SMIM8: variants seen among roughly 807,000 people sequenced by gnomAD.
SMIM8 encodes the protein UPF0708 protein C6orf162.
Under a neutral mutation model 8.1 loss-of-function variants are expected in SMIM8, and 8 were observed. The observed-to-expected ratio is 0.99, with a 90% CI of 0.58 to 1.78. SMIM8 has a LOEUF of 1.78. Ranked by LOEUF, SMIM8 falls within the 40% of genes most tolerant of loss-of-function variation. The pLI is 0.00. For synonymous variants in SMIM8, 45 were observed against 39.7 expected (o/e 1.13, Z -0.50); for missense variants, 126 against 119.8 (o/e 1.05, Z -0.24).
chr6:87,323,337 A>G (rs1776719793), intron 1 of SMIM8, among the ~76,000 whole-genome samples: 1 of 152,174 alleles, frequency 6.6e-6, no homozygotes, highest in Admixed American at 6.5e-5. Flanking sequence ...GGTTAGTTAC[A>G]TATGTATACA....
Position 87,340,649 on chromosome 6 carries a change from T to C in SMIM8, c.*375T>C, listed in dbSNP as rs2127926555. 6.4e-6 allele frequency: 1 copy of C among 155,212 alleles called. No homozygotes were observed. Among genetic ancestry groups the C allele is most frequent in the Non-Finnish European group, 1.4e-5 (1 of 70,146 alleles). The allele number at this position is 155,212 out of a possible 1,614,324, so 9.6% of individuals were successfully genotyped here. A position where few individuals can be genotyped will look rare whatever the true frequency, so the allele number is the denominator to read the frequency against. ...TGCAGCTGTCGTGAAAGTTTACTTG[T>C]GTTTTGCTACTTGCAAAGGAAATGT... On this transcript the variant is annotated 3_prime_UTR_variant, in exon 4 of 4. Coordinates refer to ENST00000392863, the MANE Select transcript of SMIM8 (RefSeq NM_001042493.3).
chr6:87,338,486 C>G lies in SMIM8; in HGVS notation c.135+1320C>G, dbSNP rs118017730. Among the ~76,000 whole-genome samples the G allele has an allele frequency of 3.9e-3, 596 of 152,246 alleles. 5 individuals are homozygous for G. Among genetic ancestry groups the G allele is most frequent in the Non-Finnish European group, 7.0e-3 (473 of 68,020 alleles). On this transcript the variant is annotated intron_variant, in intron 3 of 3. Transcript: ENST00000392863. ...GAAATGACATTGATTAGTAATTATA[C>G]ATTGTTGAACTACAGAGTATGAGTT... is the stretch of plus-strand genomic sequence containing the variant.
At chr6:87,330,236 C>T (rs1244602505) in intron 1 of SMIM8, among the ~76,000 whole-genome samples, 1 of 152,090 alleles carries the variant, frequency 6.6e-6, no homozygotes, top group African/African-American at 2.4e-5. Flanking sequence ...ATATTTTGCC[C>T]ATTTTATAAT....
At chr6:87,335,589 G>A (rs900554611) in intron 2 of SMIM8, among the ~76,000 whole-genome samples, 1 of 151,988 alleles carries the variant, frequency 6.6e-6, no homozygotes, top group Non-Finnish European at 1.5e-5. Context: ...AACATTCAGC[G>A]ACTACTGCAA....
chr6:87,341,131 C>T lies in SMIM8; in HGVS notation c.*857C>T, dbSNP rs764101785. 6 of 394,806 alleles carry T rather than the reference C, an allele frequency of 1.5e-5. No homozygotes were observed. The highest frequency in any genetic ancestry group is 2.7e-5 in the Non-Finnish European group (6 of 224,296). 24.5% of individuals were successfully genotyped at this position (394,806 alleles called of 1,614,324 possible). ...TAGTTATTTAAAAACTACAACTACT[C>T]AATGGATAAGGAATAGATAAGGTCT... is the stretch of plus-strand genomic sequence containing the variant. On this transcript the variant is annotated 3_prime_UTR_variant, in exon 4 of 4. Coordinates refer to ENST00000392863, the MANE Select transcript of SMIM8 (RefSeq NM_001042493.3).
rs963710371 is a variant in SMIM8 at position 87,341,168 on chromosome 6, C to CT, written c.*902dup. 1.0e-5 allele frequency: 4 copies of CT among 396,542 alleles called. No individual in the cohort carries two copies. Among genetic ancestry groups the CT allele is most frequent in the Non-Finnish European group, 4.4e-6 (1 of 224,964 alleles). The allele number at this position is 396,542 out of a possible 1,614,324, so 24.6% of individuals were successfully genotyped here. A position where few individuals can be genotyped will look rare whatever the true frequency, so the allele number is the denominator to read the frequency against. ...AATAGATAAGGTCTCCTTATTGTACCTTTTTTTTCTTTTGAAGTTTATATG... is the reference window on the plus strand; with the variant it reads ...AATAGATAAGGTCTCCTTATTGTACCTTTTTTTTTCTTTTGAAGTTTATATG... On this transcript the variant is annotated 3_prime_UTR_variant, in exon 4 of 4. Transcript: ENST00000392863.
chr6:87,337,688 G>A (rs750975034), intron 3 of SMIM8, among the ~76,000 whole-genome samples: 21 of 152,136 alleles, frequency 1.4e-4, no homozygotes, highest in Admixed American at 3.9e-4. Context: ...TAGTGCAGTG[G>A]TACAGTCAGC....
intron 2 of SMIM8, among the ~76,000 whole-genome samples, chr6:87,334,998 G>A (rs1410265680): frequency 6.6e-6 from 1 of 152,148 alleles, no homozygotes; most frequent in Non-Finnish European, 1.5e-5. Flanking sequence ...ATTGGATCAG[G>A]GTACAGTTGG....
intron 1 of SMIM8, among the ~76,000 whole-genome samples, chr6:87,326,854 G>A (rs1389109922): frequency 5.0e-5 from 6 of 121,040 alleles, no homozygotes; most frequent in Non-Finnish European, 1.0e-4. Flanking sequence ...TCTGTCTAAT[G>A]TTGACAGTGG....
chr6:87,340,442 C>A lies in SMIM8; in HGVS notation c.*168C>A. ...CGTAAATTTTGTCCTTTCACAGCTG[C>A]AGCCATTATCTCATTCTTTTTCCAC... On this transcript the variant is annotated 3_prime_UTR_variant, in exon 4 of 4. Coordinates refer to ENST00000392863, the MANE Select transcript of SMIM8 (RefSeq NM_001042493.3). The A allele has an allele frequency of 2.1e-6, 1 of 481,304 alleles. No individual in the cohort carries two copies. The highest frequency in any genetic ancestry group is 3.3e-6 in the Non-Finnish European group (1 of 304,344). The allele number at this position is 481,304 out of a possible 1,614,324, so 29.8% of individuals were successfully genotyped here.
At chr6:87,327,870 TC>T (rs1362492146) in intron 1 of SMIM8, among the ~76,000 whole-genome samples, 1 of 149,982 alleles carries the variant, frequency 6.7e-6, no homozygotes, top group Non-Finnish European at 1.5e-5. Context: ...GGTTCCATTC[TC>T]CCCGTCACTT....
At chr6:87,340,054 T>A in intron 3 of SMIM8, 62 bp from the exon 4 acceptor site, 1 of 1,378,168 alleles carries the variant, frequency 7.3e-7, no homozygotes. Flanking sequence ...GTGCAACCGA[T>A]ATTTGGGTCT....
At chr6:87,329,659 T>G (rs574426621) in intron 1 of SMIM8, among the ~76,000 whole-genome samples, 2 of 152,346 alleles carry the variant, frequency 1.3e-5, no homozygotes, top group South Asian at 2.1e-4. Flanking sequence ...TTTTTAAAAC[T>G]TAAGTGATTA....
At chr6:87,328,290 C>G (rs12190280) in intron 1 of SMIM8, among the ~76,000 whole-genome samples, 13 of 152,086 alleles carry the variant, frequency 8.5e-5, no homozygotes, top group Non-Finnish European at 1.2e-4. Flanking sequence ...TTCCGTTGCT[C>G]GTGAGGAACT....
intron 1 of SMIM8, among the ~76,000 whole-genome samples, chr6:87,328,007 A>G (rs1452661943): frequency 6.6e-6 from 1 of 151,486 alleles, no homozygotes; most frequent in Non-Finnish European, 1.5e-5. Flanking sequence ...CATTCACTTC[A>G]TCTTCCATCA....
intron 2 of SMIM8, among the ~76,000 whole-genome samples, chr6:87,332,200 C>T (rs1777009012): frequency 6.6e-6 from 1 of 151,718 alleles, no homozygotes; most frequent in Non-Finnish European, 1.5e-5. Flanking sequence ...AGACATATTT[C>T]ATATAGGTTG....
At chr6:87,339,939 CA>C (rs1417055123) in intron 3 of SMIM8, among the ~76,000 whole-genome samples, 176 bp from the exon 4 acceptor site, 2 of 152,120 alleles carry the variant, frequency 1.3e-5, no homozygotes, top group Non-Finnish European at 2.9e-5. Flanking sequence ...TCTAGATAAT[CA>C]GTAGCTTAGC....
At chr6:87,325,175 A>G (rs188303654) in intron 1 of SMIM8, among the ~76,000 whole-genome samples, 58 of 152,262 alleles carry the variant, frequency 3.8e-4, no homozygotes, top group African/African-American at 1.4e-3. Flanking sequence ...GGCTGAGACA[A>G]TGGGGTTTTC....
intron 2 of SMIM8, among the ~76,000 whole-genome samples, chr6:87,336,659 G>A (rs242276): frequency 0.63 from 95,006 of 151,878 alleles, 30,132 homozygotes; most frequent in African/African-American, 0.7. Flanking sequence ...AAGGAACTAA[G>A]GAAAGGAACG....
Sources: gnomAD v4.1 joint callset for allele counts (sites outside exome capture counted in the v4.1 genomes callset) on GRCh38, gnomAD v4.1.1 for gene constraint, MANE v1.5 for transcripts, NCBI Gene and HGNC (gene_info 2026-07-23, HGNC 2026-07-21) for gene names.